Variants in TENM3 observed in about 807,000 individuals in gnomAD.
The protein encoded by TENM3 is teneurin transmembrane protein 3.
TENM3 carries 63 observed loss-of-function variants against 255.1 expected under a neutral mutation model. That is an observed-to-expected ratio of 0.25 (90% CI 0.20 to 0.30). The LOEUF (loss-of-function observed/expected upper bound fraction) is 0.30. TENM3 is among the 10% of genes least tolerant of loss of function. The pLI is 1.00. For synonymous variants in TENM3, 1,306 were observed against 1,322.3 expected (o/e 0.99, Z 0.27); for missense variants, 2,929 against 3,461.1 (o/e 0.85, Z 3.86).
At chr4:181,511,351 G>A in the TENM3 span, among the ~76,000 whole-genome samples, 2 of 152,316 alleles carry the variant, frequency 1.3e-5, no homozygotes, top group East Asian at 1.9e-4. Context: ...ATGATGACAT[G>A]GGAAACTTGC....
the TENM3 span, among the ~76,000 whole-genome samples, chr4:181,515,374 A>C: frequency 6.6e-6 from 1 of 152,082 alleles, no homozygotes; most frequent in African/African-American, 2.4e-5. Flanking sequence ...CTTTGCGCAT[A>C]CTTGAAGCAA....
At chr4:182,273,810 G>A (rs1759812678) in intron 1 of TENM3, among the ~76,000 whole-genome samples, 1 of 152,180 alleles carries the variant, frequency 6.6e-6, no homozygotes, top group South Asian at 2.1e-4. Flanking sequence ...TGAGAAGTGT[G>A]AAGGAATGCC....
At chr4:182,039,938 G>T in the TENM3 span, among the ~76,000 whole-genome samples, 9 of 140,832 alleles carry the variant, frequency 6.4e-5, 1 homozygote, top group Non-Finnish European at 1.2e-4. Context: ...GATGGAAGGG[G>T]AGGGAAGGGG....
chr4:182,324,630 C>G (rs922030211), intron 2 of TENM3, among the ~76,000 whole-genome samples: 1 of 152,146 alleles, frequency 6.6e-6, no homozygotes, highest in Non-Finnish European at 1.5e-5. Context: ...AGAACCGGTA[C>G]AAGGAGAACA....
chr4:181,921,947 T>C, the TENM3 span, among the ~76,000 whole-genome samples: 1 of 151,994 alleles, frequency 6.6e-6, no homozygotes, highest in African/African-American at 2.4e-5. Context: ...AGCATGAAAG[T>C]TGTTGAATTT....
intron 11 of TENM3, among the ~76,000 whole-genome samples, chr4:182,686,946 A>G (rs1327447497): frequency 6.6e-6 from 1 of 152,070 alleles, no homozygotes; most frequent in East Asian, 1.9e-4. Context: ...TGCATGAAAA[A>G]ACCTGCGTGC....
At chr4:182,683,384 C>T (rs577955771) in intron 11 of TENM3, among the ~76,000 whole-genome samples, 4 of 152,290 alleles carry the variant, frequency 2.6e-5, no homozygotes, top group Admixed American at 2.0e-4. Context: ...CCTTTCTGAA[C>T]ACCAACATGA....
intron 1 of TENM3, among the ~76,000 whole-genome samples, chr4:182,198,706 G>A (rs868133475): frequency 2.0e-5 from 3 of 152,202 alleles, no homozygotes; most frequent in East Asian, 1.9e-4. Flanking sequence ...GAGTGGATGC[G>A]GACTGTTTTC....
At chr4:182,265,417 A>T (rs968073213) in intron 1 of TENM3, among the ~76,000 whole-genome samples, 4 of 152,114 alleles carry the variant, frequency 2.6e-5, no homozygotes, top group African/African-American at 7.2e-5. Context: ...AAATGGGCTG[A>T]TTGGCTTTGG....
the TENM3 span, among the ~76,000 whole-genome samples, chr4:181,559,668 AC>A: frequency 6.6e-6 from 1 of 152,234 alleles, no homozygotes; most frequent in African/African-American, 2.4e-5. Flanking sequence ...AATATATTTA[AC>A]ATTATGACTA....
chr4:182,643,383 C>T (rs555326961), intron 5 of TENM3, among the ~76,000 whole-genome samples: 100 of 152,260 alleles, frequency 6.6e-4, no homozygotes, highest in East Asian at 1.2e-3. Flanking sequence ...AGAACAACAT[C>T]GGTATTCTAA....
the TENM3 span, among the ~76,000 whole-genome samples, chr4:182,093,585 C>T: frequency 9.2e-5 from 14 of 152,184 alleles, 1 homozygote; most frequent in African/African-American, 3.4e-4. Flanking sequence ...CATGAGCCCC[C>T]GTAGAGCCAA....
the TENM3 span, among the ~76,000 whole-genome samples, chr4:182,067,056 C>G: frequency 3.9e-5 from 6 of 152,318 alleles, no homozygotes; most frequent in African/African-American, 1.4e-4. Context: ...GCCTCCTTAT[C>G]TCCAGCCAGT....
the TENM3 span, among the ~76,000 whole-genome samples, chr4:181,932,347 G>T: frequency 6.6e-6 from 1 of 152,078 alleles, no homozygotes; most frequent in African/African-American, 2.4e-5. Context: ...ATCAAAAAGT[G>T]GACAAAGAAT....
the TENM3 span, among the ~76,000 whole-genome samples, chr4:181,699,442 CAAAAAAAAAAAAAAAA>C: frequency 1.0e-3 from 46 of 44,086 alleles, no homozygotes; most frequent in African/African-American, 2.7e-3. Context: ...GACCCTGTCG[CAAAAAAAAAAAAAAAA>C]AAAAAAAAAA....
At chr4:182,542,726 C>G (rs1277685656) in intron 3 of TENM3, among the ~76,000 whole-genome samples, 1 of 152,150 alleles carries the variant, frequency 6.6e-6, no homozygotes, top group Admixed American at 6.5e-5. Flanking sequence ...TTTTTGGCCT[C>G]TTAGTATACT....
chr4:182,051,989 A>G, the TENM3 span, among the ~76,000 whole-genome samples: 2 of 152,108 alleles, frequency 1.3e-5, no homozygotes, highest in African/African-American at 4.8e-5. Context: ...GGCAATATCA[A>G]GAGCCATTTT....
chr4:182,576,105 T>C (rs1744888482), intron 3 of TENM3, among the ~76,000 whole-genome samples: 1 of 152,238 alleles, frequency 6.6e-6, no homozygotes, highest in African/African-American at 2.4e-5. Context: ...TTGATATTTA[T>C]TCGGTAGATT....
intron 3 of TENM3, among the ~76,000 whole-genome samples, chr4:182,585,300 G>C (rs1460462924): frequency 6.6e-6 from 1 of 152,082 alleles, no homozygotes; most frequent in Non-Finnish European, 1.5e-5. Context: ...AGCTTAAACT[G>C]TCCCATTTGG....
Sources: allele counts gnomAD v4.1 joint callset (sites outside exome capture counted in the v4.1 genomes callset), GRCh38; gene constraint gnomAD v4.1.1; transcripts MANE v1.5; gene names NCBI Gene and HGNC (gene_info 2026-07-23, HGNC 2026-07-21).